Variants in GSPT1 observed in about 807,000 individuals in gnomAD.
GSPT1 encodes the protein eukaryotic peptide chain release factor GTP-binding subunit ERF3A.
Under a neutral mutation model 72.5 loss-of-function variants are expected in GSPT1, and 20 were observed. That is an observed-to-expected ratio of 0.28 (90% CI 0.19 to 0.40). The LOEUF is 0.40. Ranked by LOEUF, GSPT1 falls within the 10% of genes least tolerant of loss-of-function variation. The probability of loss-of-function intolerance (pLI) is 1.00; values close to 1 mark genes in which losing one functional copy is unlikely to be tolerated. For missense variants in GSPT1, 580 were observed against 811.9 expected (o/e 0.71, Z 3.47); for synonymous variants, 334 against 293.5 (o/e 1.14, Z -1.41).
chr16:11,888,217 G>C (rs2054208717), intron 6 of GSPT1, among the ~76,000 whole-genome samples: 1 of 152,168 alleles, frequency 6.6e-6, no homozygotes, highest in Non-Finnish European at 1.5e-5. Context: ...TGTAATCCCA[G>C]CACTTTGGGA....
At chr16:11,878,867 C>T (rs2054081500) in intron 11 of GSPT1, among the ~76,000 whole-genome samples, 1 of 151,820 alleles carries the variant, frequency 6.6e-6, no homozygotes, top group African/African-American at 2.4e-5. Context: ...GAGTTTGAGA[C>T]CAGCCTGGCC....
rs2054061555 is a variant in GSPT1 at position 11,877,351 on chromosome 16, T to C, written c.1602+56A>G. On this transcript the variant is annotated intron_variant, in intron 12 of 14. Coordinates refer to ENST00000434724, the MANE Select transcript of GSPT1 (RefSeq NM_002094.4). The surrounding 1 kb of genome is among the most constrained non-coding windows in gnomAD (Gnocchi z 4.0). The stretch of plus-strand genomic sequence containing the variant: ...ATAATCAGGACAAAAGGCACTGATA[T>C]TCTAATTTCATTTAGACATTAAAAC... 2 of 1,214,254 alleles carry C rather than the reference T, an allele frequency of 1.6e-6. No homozygotes were observed. The highest frequency in any genetic ancestry group is 1.5e-5 in the South Asian group (1 of 65,392). 75.2% of individuals were successfully genotyped at this position (1,214,254 alleles called of 1,614,324 possible). A position where few individuals can be genotyped will look rare whatever the true frequency, so the allele number is the denominator to read the frequency against.
intron 14 of GSPT1, among the ~76,000 whole-genome samples, chr16:11,873,802 T>C (rs191757825): frequency 3.3e-5 from 5 of 152,316 alleles, no homozygotes; most frequent in Admixed American, 3.3e-4. Context: ...TTGGCCAGGC[T>C]GGTCTTGAAC....
In GSPT1 at chr16:11,896,652, C is replaced by T. The variant is rs1388901434; in HGVS notation, c.570G>A (p.Glu190=). 3.1e-6 allele frequency: 5 copies of T among 1,609,748 alleles called. No individual in the cohort carries two copies. The highest frequency in any genetic ancestry group is 1.3e-5 in the African/African-American group (1 of 75,002). Reference sequence around the variant, plus strand: ...TAGGTTTTGGGATTTCCTCTTCCTCCTCCATCATTTCATGGGCACTTTCCT... The same window carrying T: ...TAGGTTTTGGGATTTCCTCTTCCTCTTCCATCATTTCATGGGCACTTTCCT... ...PPEESAHEMM[E]EEEEIPKPKS... is the part of the protein sequence containing the mutation. The change falls in exon 4 of 15, where the codon GAG becomes GAA. Residue 190 remains glutamate (E), a synonymous_variant. Coordinates refer to ENST00000434724, the MANE Select transcript of GSPT1 (RefSeq NM_002094.4).
chr16:11,915,753 A>G lies in GSPT1; in HGVS notation c.-33T>C, dbSNP rs1317321956. 1.3e-6 allele frequency: 2 copies of G among 1,548,108 alleles called. No homozygotes were observed. Among genetic ancestry groups the G allele is most frequent in the Non-Finnish European group, 1.7e-6 (2 of 1,153,908 alleles). On this transcript the variant is annotated 5_prime_UTR_variant, in exon 1 of 15. Transcript: ENST00000434724. Reference sequence around the variant, plus strand: ...GGGGCCGTGTGTGTGGTGGACAGAGAGCGGGAAATGGAGGCAGGGGCGCCC... The same window carrying G: ...GGGGCCGTGTGTGTGGTGGACAGAGGGCGGGAAATGGAGGCAGGGGCGCCC...
intron 1 of GSPT1, among the ~76,000 whole-genome samples, chr16:11,899,972 C>A (rs147846213): frequency 1.9e-3 from 292 of 152,282 alleles, no homozygotes; most frequent in African/African-American, 6.7e-3. Context: ...AGTTAAAGAA[C>A]TCCTGGCGTA....
chr16:11,892,908 A>C (rs1240461280), intron 5 of GSPT1, among the ~76,000 whole-genome samples: 2 of 151,210 alleles, frequency 1.3e-5, no homozygotes, highest in Non-Finnish European at 2.9e-5. Flanking sequence ...GACAGATGAC[A>C]CCTTAACCAA....
At chr16:11,916,097 G>T (rs1330163879), upstream of GSPT1, 2 of 481,472 alleles carry the variant, frequency 4.2e-6, no homozygotes, top group Non-Finnish European at 7.9e-6. Context: ...ATTTAGCGCG[G>T]CGGGAGGTGG....
intron 3 of GSPT1, 83 bp from the exon 4 acceptor site, chr16:11,896,868 T>G (rs937076603): frequency 1.1e-6 from 1 of 916,498 alleles, no homozygotes; most frequent in African/African-American, 1.7e-5. Flanking sequence ...AAACAACAAA[T>G]GGAAGTTTGC....
At chr16:11,895,182 G>T in intron 4 of GSPT1, 195 bp from the exon 5 acceptor site, 1 of 465,536 alleles carries the variant, frequency 2.1e-6, no homozygotes, top group Non-Finnish European at 4.0e-6. Context: ...TGTAATTCCA[G>T]CACTTTGGGA....
intron 9 of GSPT1, among the ~76,000 whole-genome samples, 190 bp downstream of exon 9, chr16:11,886,280 AC>A (rs2054185751): frequency 6.6e-6 from 1 of 152,150 alleles, no homozygotes; most frequent in Non-Finnish European, 1.5e-5. Flanking sequence ...CAAAATGACA[AC>A]CCAGTTTAAA....
intron 6 of GSPT1, among the ~76,000 whole-genome samples, chr16:11,889,922 T>G (rs762347960): frequency 3.8e-4 from 57 of 151,996 alleles, no homozygotes; most frequent in Non-Finnish European, 4.7e-4. Flanking sequence ...ATTACAGGCT[T>G]GAGTCACCGC....
At position 11,885,210 on chromosome 16, in the gene GSPT1, T is replaced by C. The variant is rs746067495; in HGVS notation, c.1318A>G (p.Ile440Val). The change falls in exon 10 of 15, where the codon ATC becomes GTC. Residue 440 changes from isoleucine to valine, a missense_variant. By Grantham distance (29) the Ile-to-Val change is conservative. Around this residue, in one of 6 missense-constraint regions of GSPT1, gnomAD observed 45 missense variants for 43.0 expected, o/e 1.05. Coordinates refer to ENST00000434724, the MANE Select transcript of GSPT1 (RefSeq NM_002094.4). ...PNFNRSVDGP[I>V]RLPIVDKYKD... Reference sequence around the variant, plus strand: ...TACTTATCCACAATTGGCAGCCTGATTGGTCCATCAACTGATCTATTGAAG... The same window carrying C: ...TACTTATCCACAATTGGCAGCCTGACTGGTCCATCAACTGATCTATTGAAG... The C allele has an allele frequency of 4.4e-6, 7 of 1,592,732 alleles. No individual in the cohort carries two copies. Among genetic ancestry groups the C allele is most frequent in the Non-Finnish European group, 5.2e-6 (6 of 1,160,636 alleles).
At chr16:11,898,157 G>A in intron 1 of GSPT1, 122 bp from the exon 2 acceptor site, 2 of 654,896 alleles carry the variant, frequency 3.1e-6, no homozygotes, top group Non-Finnish European at 2.7e-6. Flanking sequence ...AATAACCCCA[G>A]ATCAATGGCA....
chr16:11,892,502 T>C, intron 5 of GSPT1, among the ~76,000 whole-genome samples: 1 of 61,132 alleles, frequency 1.6e-5, no homozygotes. Flanking sequence ...GGGAGACCCT[T>C]TCTCAAAAAA....
rs200872460 is a variant in GSPT1, at chr16:11,886,548, C to T, written c.1176G>A (p.Lys392=). Reference sequence around the variant, plus strand: ...CTGAGCAGGGCATAAAGTGAATGTCCTTTTTGGGATTGAAGCCAACTTTTT... The same window carrying T: ...CTGAGCAGGGCATAAAGTGAATGTCTTTTTTGGGATTGAAGCCAACTTTTT... ...FLKKVGFNPK[K]DIHFMPCSGL... Residue 392 remains lysine, a synonymous_variant, in exon 9 of 15, where the codon AAG becomes AAA. Transcript: ENST00000434724. 1,527 of 1,612,758 alleles carry T rather than the reference C, an allele frequency of 9.5e-4. 5 individuals carry two copies. Among genetic ancestry groups the T allele is most frequent in the South Asian group, 3.4e-3 (308 of 91,040 alleles).
At chr16:11,873,203 T>A (rs750724066) in intron 14 of GSPT1, 32 bp from the exon 15 acceptor site, 1 of 1,090,426 alleles carries the variant, frequency 9.2e-7, no homozygotes, top group Admixed American at 1.7e-5. Context: ...AATCTTTCAG[T>A]AGTTAACAGC....
In GSPT1 at chr16:11,913,044, C is replaced by T. The variant is rs1333377055; in HGVS notation, c.352+2325G>A. Among the ~76,000 whole-genome samples, 4 of 152,342 alleles carry T rather than the reference C, an allele frequency of 2.6e-5. No individual in the cohort carries two copies. In the East Asian group the frequency reaches 5.8e-4, roughly 22 times the overall value. ...TGGCTTAACTAAAGAACAGAACATG[C>T]TAGCCCTATTGTCCACTTCCTCGCT... is the stretch of plus-strand genomic sequence containing the variant. On this transcript the variant is annotated intron_variant, in intron 1 of 14. Coordinates refer to ENST00000434724, the MANE Select transcript of GSPT1 (RefSeq NM_002094.4).
chr16:11,887,026 T>G (rs1212777432), intron 7 of GSPT1, 95 bp from the exon 8 acceptor site: 3 of 980,830 alleles, frequency 3.1e-6, no homozygotes, highest in South Asian at 1.8e-5. Flanking sequence ...CACGAGTTTT[T>G]TTTTTTTTTT....
Sources: gnomAD v4.1 joint callset for allele counts (sites outside exome capture counted in the v4.1 genomes callset) on GRCh38, gnomAD v4.1.1 for gene constraint, gnomAD v4.1.1 regional missense constraint, Gnocchi (gnomAD v3.1) non-coding constraint, MANE v1.5 for transcripts, NCBI Gene and HGNC (gene_info 2026-07-23, HGNC 2026-07-21) for gene names.